Variants in PCDH15 observed in about 807,000 individuals in gnomAD.
PCDH15 encodes protocadherin-15.
A neutral mutation model predicts 178.5 loss-of-function variants in PCDH15; 129 were observed. The ratio of observed to expected loss-of-function variants is 0.72; its 90% CI spans 0.63 to 0.84. The LOEUF is 0.84. Ranked by LOEUF, PCDH15 falls within the 40% of genes least tolerant of loss-of-function variation. The pLI, the probability that PCDH15 is intolerant of heterozygous loss-of-function variation, is 0.00. For missense variants in PCDH15, 2,230 were observed against 2,099.9 expected (o/e 1.06, Z -1.21); for synonymous variants, 800 against 732.0 (o/e 1.09, Z -1.50).
intron 2 of PCDH15, among the ~76,000 whole-genome samples, chr10:55,627,198 A>C (rs1316556705): frequency 6.6e-6 from 1 of 151,414 alleles, no homozygotes; most frequent in East Asian, 1.9e-4. Context: ...ACATGTGGAC[A>C]TTAAGAAAAC....
intron 21 of PCDH15, among the ~76,000 whole-genome samples, chr10:53,979,786 G>A (rs1330425301): frequency 6.6e-6 from 1 of 152,176 alleles, no homozygotes; most frequent in East Asian, 1.9e-4. Context: ...CAGATCTTAA[G>A]ATTTATAGTA....
At chr10:54,443,744 C>G (rs186226045) in intron 3 of PCDH15, among the ~76,000 whole-genome samples, 3 of 151,722 alleles carry the variant, frequency 2.0e-5, no homozygotes, top group Admixed American at 1.3e-4. Flanking sequence ...CTATTTTGTT[C>G]TAGTGGATTA....
At chr10:54,923,076 C>A (rs149129003) in intron 2 of PCDH15, among the ~76,000 whole-genome samples, 1 of 88,860 alleles carries the variant, frequency 1.1e-5, no homozygotes, top group Non-Finnish European at 3.2e-5. Flanking sequence ...GGCTCTCAGG[C>A]TTTAAATCCT....
chr10:55,309,056 T>G (rs571678867), intron 1 of PCDH15, among the ~76,000 whole-genome samples: 4 of 152,234 alleles, frequency 2.6e-5, no homozygotes, highest in Non-Finnish European at 5.9e-5. Context: ...TATATTTTCA[T>G]GTTACAGGAA....
At chr10:55,360,966 T>A (rs565556349) in intron 2 of PCDH15, among the ~76,000 whole-genome samples, 1 of 152,102 alleles carries the variant, frequency 6.6e-6, no homozygotes, top group African/African-American at 2.4e-5. Context: ...GATGAATAAA[T>A]GATGGTATAT....
At chr10:54,798,580 A>G (rs1180777956) in intron 1 of PCDH15, among the ~76,000 whole-genome samples, 2 of 152,158 alleles carry the variant, frequency 1.3e-5, no homozygotes, top group Non-Finnish European at 2.9e-5. Context: ...CTTTTAAAAA[A>G]TGGAAAAATA....
intron 26 of PCDH15, among the ~76,000 whole-genome samples, chr10:53,898,074 C>G (rs2082083154): frequency 1.7e-5 from 1 of 58,054 alleles, no homozygotes; most frequent in Non-Finnish European, 4.9e-5. Context: ...TCATGCCAAT[C>G]TCCTGCCTCA....
intron 2 of PCDH15, among the ~76,000 whole-genome samples, chr10:54,599,435 T>A (rs753472546): frequency 1.3e-5 from 2 of 152,122 alleles, no homozygotes; most frequent in Admixed American, 6.6e-5. Context: ...TAAATTGTGC[T>A]GGGATAACTG....
chr10:54,183,160 T>C (rs1395429869), intron 13 of PCDH15, among the ~76,000 whole-genome samples: 1 of 152,166 alleles, frequency 6.6e-6, no homozygotes, highest in Non-Finnish European at 1.5e-5. Context: ...TTTGTATTTT[T>C]AGTAGAGACA....
At chr10:55,610,032 C>G (rs566851310) in intron 2 of PCDH15, among the ~76,000 whole-genome samples, 7 of 151,970 alleles carry the variant, frequency 4.6e-5, no homozygotes, top group Non-Finnish European at 8.8e-5. Flanking sequence ...GGATTTTATA[C>G]TGAAAACTTC....
chr10:55,098,270 G>A (rs1204352822), intron 2 of PCDH15, among the ~76,000 whole-genome samples: 2 of 152,128 alleles, frequency 1.3e-5, no homozygotes, highest in Admixed American at 6.6e-5. Context: ...CTGAAGTAGT[G>A]GAGGGCCATA....
intron 26 of PCDH15, among the ~76,000 whole-genome samples, chr10:53,874,405 G>A (rs11003896): frequency 0.07 from 10,717 of 152,184 alleles, 1,093 homozygotes; most frequent in African/African-American, 0.22. Flanking sequence ...TGAGAATCTA[G>A]GACGAAATAC....
At chr10:53,899,293 T>C (rs2082169818) in intron 26 of PCDH15, among the ~76,000 whole-genome samples, 1 of 152,076 alleles carries the variant, frequency 6.6e-6, no homozygotes, top group Admixed American at 6.6e-5. Context: ...TTAAGTATAT[T>C]AGGTATACCA....
intron 3 of PCDH15, among the ~76,000 whole-genome samples, chr10:54,497,243 G>GAAA (rs76984542): frequency 7.3e-6 from 1 of 137,752 alleles, no homozygotes; most frequent in African/African-American, 2.6e-5. Flanking sequence ...TGTACCACAG[G>GAAA]AAAAAAAAAA....
chr10:54,932,890 A>G (rs536943395), intron 2 of PCDH15, among the ~76,000 whole-genome samples: 1 of 151,904 alleles, frequency 6.6e-6, no homozygotes, highest in South Asian at 2.1e-4. Context: ...CTTCACATTC[A>G]CTCATCACTC....
chr10:55,442,145 C>T (rs1402702324), intron 2 of PCDH15, among the ~76,000 whole-genome samples: 1 of 151,854 alleles, frequency 6.6e-6, no homozygotes, highest in Non-Finnish European at 1.5e-5. Flanking sequence ...GCACAGGAAA[C>T]TAATAGGTAC....
At chr10:54,115,566 C>G (rs1017706978) in intron 15 of PCDH15, among the ~76,000 whole-genome samples, 1 of 152,190 alleles carries the variant, frequency 6.6e-6, no homozygotes, top group Non-Finnish European at 1.5e-5. Flanking sequence ...AATATTGATG[C>G]AGACATATAA....
chr10:54,031,172 CTT>C (rs1392240839), intron 18 of PCDH15, among the ~76,000 whole-genome samples: 2 of 151,972 alleles, frequency 1.3e-5, no homozygotes, highest in Non-Finnish European at 2.9e-5. Flanking sequence ...ATCAGAAACA[CTT>C]TTACAATGTA....
intron 26 of PCDH15, among the ~76,000 whole-genome samples, chr10:53,888,702 T>TATAAA (rs1554845542): frequency 7.8e-4 from 36 of 46,202 alleles, no homozygotes; most frequent in African/African-American, 2.0e-3. Flanking sequence ...TATATATATA[T>TATAAA]ATCTCCTGTG....
Sources: allele counts gnomAD v4.1 joint callset (sites outside exome capture counted in the v4.1 genomes callset), GRCh38; gene constraint gnomAD v4.1.1; transcripts MANE v1.5; gene names NCBI Gene and HGNC (gene_info 2026-07-23, HGNC 2026-07-21).